The following ZNF831 variants were observed in gnomAD, a reference collection of about 807,000 sequenced individuals.
The protein encoded by ZNF831 is chromosome 20 open reading frame 174.
Under a neutral mutation model 95.8 loss-of-function variants are expected in ZNF831, and 59 were observed. That is an observed-to-expected ratio of 0.62 (90% CI 0.50 to 0.77). The LOEUF is 0.77. Among genes scored for constraint, ZNF831 ranks in the 30% least tolerant of loss-of-function variants. ZNF831 has a pLI of 0.00. For synonymous variants in ZNF831, 961 were observed against 925.5 expected (o/e 1.04, Z -0.70); for missense variants, 2,205 against 2,164.0 (o/e 1.02, Z -0.38).
rs1237447434 is a variant in ZNF831, at chr20:59,248,164, A to G, written c.4028-4814A>G. On this transcript the variant is annotated intron_variant, in intron 4 of 5. Coordinates refer to ENST00000371030, the MANE Select transcript of ZNF831 (RefSeq NM_178457.3). ...GCTGTGATGAGAGATGGTCTCTCTAATAAGAGTCCCATAATTGTGTAAGAG... is the reference window on the plus strand; with the variant it reads ...GCTGTGATGAGAGATGGTCTCTCTAGTAAGAGTCCCATAATTGTGTAAGAG... 2.0e-5 allele frequency among the ~76,000 whole-genome samples: 3 copies of G among 152,198 alleles called. No homozygotes were observed. In the East Asian group the frequency reaches 5.8e-4, roughly 29 times the overall value.
intron 4 of ZNF831, among the ~76,000 whole-genome samples, chr20:59,227,426 C>A (rs1364272925): frequency 2.0e-5 from 3 of 152,190 alleles, no homozygotes; most frequent in Non-Finnish European, 4.4e-5. Flanking sequence ...ACCAACTCCA[C>A]TTGCTTGACT....
chr20:59,200,514 A>G (rs1342212913), intron 3 of ZNF831, among the ~76,000 whole-genome samples: 1 of 152,188 alleles, frequency 6.6e-6, no homozygotes, highest in Non-Finnish European at 1.5e-5. Context: ...TTTAAAACAT[A>G]CAATTAAATA....
chr20:59,220,277 A>G (rs1196267609), intron 4 of ZNF831, among the ~76,000 whole-genome samples: 2 of 152,198 alleles, frequency 1.3e-5, no homozygotes, highest in African/African-American at 4.8e-5. Context: ...ACAGGCTACA[A>G]ATGGGACACA....
intron 1 of ZNF831, among the ~76,000 whole-genome samples, chr20:59,188,526 G>T (rs1983246319): frequency 6.6e-6 from 1 of 152,056 alleles, no homozygotes; most frequent in South Asian, 2.1e-4. Context: ...GTGTGGTGGT[G>T]CACGCCTGTA....
chr20:59,162,077 T>A (rs890698132), upstream of ZNF831, among the ~76,000 whole-genome samples: 6 of 152,230 alleles, frequency 3.9e-5, no homozygotes, highest in Non-Finnish European at 7.3e-5. Flanking sequence ...TTGAGAAGTG[T>A]CTCTTCATGA....
In ZNF831 at chr20:59,254,039, G is replaced by A; in HGVS notation, c.4330G>A (p.Gly1444Arg). 1 of 1,614,072 alleles carries A rather than the reference G, an allele frequency of 6.2e-7. No homozygotes were observed. The highest frequency in any genetic ancestry group is 8.5e-7 in the Non-Finnish European group (1 of 1,180,012). The change falls in exon 6 of 6, where the codon GGG becomes AGG. Residue 1444 changes from glycine to arginine, a missense_variant. Coordinates refer to ENST00000371030, the MANE Select transcript of ZNF831 (RefSeq NM_178457.3). The surrounding 1 kb of genome is among the most constrained non-coding windows in gnomAD (Gnocchi z 4.5). The part of the protein sequence containing the change: ...PLPPGKGLDL[G>R]LLETQLLASQ... Reference sequence around the variant, plus strand: ...ACCCCCTGGCAAAGGTCTTGACCTTGGGTTGCTGGAGACTCAGCTGCTGGC... The same window carrying A: ...ACCCCCTGGCAAAGGTCTTGACCTTAGGTTGCTGGAGACTCAGCTGCTGGC...
chr20:59,224,171 G>T (rs529745105), intron 4 of ZNF831, among the ~76,000 whole-genome samples: 2 of 152,332 alleles, frequency 1.3e-5, no homozygotes, highest in East Asian at 3.9e-4. Flanking sequence ...CGTGGCGGGT[G>T]GGGGGACTTC....
chr20:59,205,965 TGACATGAAACAATAGAAACAAGAAAG>T (rs1984863429), intron 3 of ZNF831, among the ~76,000 whole-genome samples: 1 of 152,196 alleles, frequency 6.6e-6, no homozygotes, highest in African/African-American at 2.4e-5. Context: ...TTCTGCTCTA[TGACATGAAACAATAGAAACAAGAAAG>T]GACATGAAAC....
At chr20:59,245,842 TGA>T (rs1395157871) in intron 4 of ZNF831, among the ~76,000 whole-genome samples, 1 of 152,164 alleles carries the variant, frequency 6.6e-6, no homozygotes, top group Admixed American at 6.5e-5. Context: ...AGAAAGTATC[TGA>T]GAGGAAAAAG....
At chr20:59,187,458 A>G (rs73309014) in intron 1 of ZNF831, among the ~76,000 whole-genome samples, 5,532 of 152,222 alleles carry the variant, frequency 0.036, 360 homozygotes, top group African/African-American at 0.13. Flanking sequence ...TCTTGGACTT[A>G]AACTTGATCT....
intron 1 of ZNF831, among the ~76,000 whole-genome samples, chr20:59,135,551 G>A (rs1979475434): frequency 1.3e-5 from 2 of 152,302 alleles, no homozygotes; most frequent in South Asian, 4.1e-4. Context: ...CTAACGTGAT[G>A]AAACCCTGTC....
chr20:59,219,576 G>A (rs1985943352), intron 4 of ZNF831, among the ~76,000 whole-genome samples: 1 of 152,128 alleles, frequency 6.6e-6, no homozygotes, highest in Admixed American at 6.5e-5. Context: ...GCAGGGGGTG[G>A]GGCATGCTTC....
chr20:59,125,478 A>G (rs1979143826), intron 1 of ZNF831, among the ~76,000 whole-genome samples: 1 of 151,882 alleles, frequency 6.6e-6, no homozygotes, highest in Admixed American at 6.6e-5. Flanking sequence ...TCTGTTCCTT[A>G]GTGAGATCCC....
intron 1 of ZNF831, among the ~76,000 whole-genome samples, chr20:59,174,165 G>T (rs938879604): frequency 6.6e-6 from 1 of 152,074 alleles, no homozygotes; most frequent in African/African-American, 2.4e-5. Flanking sequence ...AGAGGAAGTG[G>T]GGCTTGCAGA....
intron 1 of ZNF831, among the ~76,000 whole-genome samples, chr20:59,175,440 A>G (rs984785221): frequency 3.4e-5 from 5 of 149,184 alleles, no homozygotes; most frequent in African/African-American, 1.2e-4. Flanking sequence ...TTTAATTTTC[A>G]TCCTGTTTTC....
At chr20:59,199,071 ATATCTATCTATCTATCTATCTATC>A (rs71183162) in intron 3 of ZNF831, among the ~76,000 whole-genome samples, 3,662 of 95,374 alleles carry the variant, frequency 0.038, 138 homozygotes, top group East Asian at 0.16. Context: ...ATCAACTTAC[ATATCTATCTATCTATCTATCTATC>A]TATCTATCTA....
Position 59,228,210 on chromosome 20 carries a change from T to A in ZNF831, c.4027+21154T>A, listed in dbSNP as rs77805131. Among the ~76,000 whole-genome samples the A allele has an allele frequency of 2.6e-4, 39 of 152,256 alleles. No individual in the cohort carries two copies. In the East Asian group the frequency reaches 7.4e-3, roughly 29 times the overall value. ...TAAAACTCAGTGTCTCGTGGCAACA[T>A]GTGTTTATTACTGCTCATGGATCTC... On this transcript the variant is annotated intron_variant, in intron 4 of 5. Coordinates refer to ENST00000371030, the MANE Select transcript of ZNF831 (RefSeq NM_178457.3).
At chr20:59,210,364 C>T (rs1314148480) in intron 4 of ZNF831, among the ~76,000 whole-genome samples, 2 of 152,240 alleles carry the variant, frequency 1.3e-5, no homozygotes, top group South Asian at 4.2e-4. Context: ...CAGTGGCCGG[C>T]GGGATGGGGC....
At chr20:59,215,588 G>A (rs1985624447) in intron 4 of ZNF831, among the ~76,000 whole-genome samples, 1 of 152,204 alleles carries the variant, frequency 6.6e-6, no homozygotes, top group African/African-American at 2.4e-5. Context: ...TTTGGCAGAT[G>A]GAGAAACTGA....
Sources: gnomAD v4.1 joint callset for allele counts (sites outside exome capture counted in the v4.1 genomes callset) on GRCh38, gnomAD v4.1.1 for gene constraint, Gnocchi (gnomAD v3.1) non-coding constraint, MANE v1.5 for transcripts, NCBI Gene and HGNC (gene_info 2026-07-23, HGNC 2026-07-21) for gene names.